RUFY3: variants seen among roughly 807,000 people sequenced by gnomAD.
The protein encoded by RUFY3 is protein RUFY3.
A neutral mutation model predicts 84.0 loss-of-function variants in RUFY3; 34 were observed. The ratio of observed to expected loss-of-function variants is 0.40; its 90% CI spans 0.31 to 0.54. RUFY3 has a LOEUF of 0.54. Among genes scored for constraint, RUFY3 ranks in the 20% least tolerant of loss-of-function variants. The pLI, the probability that RUFY3 is intolerant of heterozygous loss-of-function variation, is 0.39. For synonymous variants in RUFY3, 242 were observed against 252.9 expected (o/e 0.96, Z 0.41); for missense variants, 507 against 736.8 (o/e 0.69, Z 3.61).
chr4:70,800,773 T>G (rs866922881), intron 15 of RUFY3, among the ~76,000 whole-genome samples: 13 of 152,182 alleles, frequency 8.5e-5, no homozygotes, highest in African/African-American at 2.9e-4. Flanking sequence ...TCCCAACTAC[T>G]TGGGAGGCCG....
At chr4:70,741,765 GA>G in intron 1 of RUFY3, 1 of 1,050,400 alleles carries the variant, frequency 9.5e-7, no homozygotes, top group Non-Finnish European at 1.3e-6. Flanking sequence ...TCCGTAAGAG[GA>G]AATGTCAGCT....
At chr4:70,741,291 C>T (rs929321690) in intron 1 of RUFY3, among the ~76,000 whole-genome samples, 4 of 151,796 alleles carry the variant, frequency 2.6e-5, no homozygotes, top group Non-Finnish European at 4.4e-5. Flanking sequence ...AGATTAATGT[C>T]GCCTACACTT....
intron 17 of RUFY3, among the ~76,000 whole-genome samples, chr4:70,806,272 A>G (rs1732834760): frequency 6.6e-6 from 1 of 152,186 alleles, no homozygotes; most frequent in African/African-American, 2.4e-5. Context: ...AAGATAAGTG[A>G]CTTGTATGTT....
intron 1 of RUFY3, among the ~76,000 whole-genome samples, chr4:70,710,578 G>C (rs1740867520): frequency 1.3e-5 from 2 of 152,076 alleles, no homozygotes; most frequent in Non-Finnish European, 2.9e-5. Context: ...TTTGAGGCAG[G>C]AGAATCACTT....
chr4:70,793,878 G>A lies in RUFY3; in HGVS notation c.1431G>A (p.Leu477=), dbSNP rs1296451040. 16 of 1,613,888 alleles carry A rather than the reference G, an allele frequency of 9.9e-6. No homozygotes were observed. The highest frequency in any genetic ancestry group is 1.3e-5 in the African/African-American group (1 of 74,892). The change falls in exon 13 of 18, where the codon CTG becomes CTA. Residue 477 remains leucine (L), a synonymous_variant. Transcript: ENST00000381006. ...DFGDKINSLQ[L]EVEELTRQRN... Reference sequence around the variant, plus strand: ...GAGACAAGATCAACAGTCTGCAGCTGGAAGTCGAGGAGCTCACCAGGCAGC... The same window carrying A: ...GAGACAAGATCAACAGTCTGCAGCTAGAAGTCGAGGAGCTCACCAGGCAGC...
intron 9 of RUFY3, among the ~76,000 whole-genome samples, 179 bp downstream of exon 9, chr4:70,783,362 A>G (rs1328927202): frequency 2.0e-5 from 3 of 152,246 alleles, no homozygotes; most frequent in East Asian, 1.9e-4. Context: ...TTTTTCTACA[A>G]GATGCTTCGT....
At chr4:70,802,713 A>G (rs1005012283) in intron 15 of RUFY3, among the ~76,000 whole-genome samples, 8 of 152,216 alleles carry the variant, frequency 5.3e-5, no homozygotes, top group African/African-American at 1.9e-4. Context: ...CTTCAAATCT[A>G]TTTTTAAATG....
intron 3 of RUFY3, among the ~76,000 whole-genome samples, chr4:70,764,261 T>C (rs749975202): frequency 2.6e-5 from 4 of 152,250 alleles, no homozygotes; most frequent in Non-Finnish European, 5.9e-5. Flanking sequence ...TGTAGTTACA[T>C]TCAGTAATTC....
At chr4:70,716,291 AC>A (rs1286291516) in intron 1 of RUFY3, among the ~76,000 whole-genome samples, 1 of 151,746 alleles carries the variant, frequency 6.6e-6, no homozygotes, top group East Asian at 2.0e-4. Context: ...GATTACAGGC[AC>A]GTACCACATT....
chr4:70,705,204 A>AG lies in RUFY3; in HGVS notation c.270dup (p.Thr91AspfsTer32). 6.8e-7 allele frequency: 1 copy of AG among 1,460,928 alleles called. No homozygotes were observed. The highest frequency in any genetic ancestry group is 9.0e-7 in the Non-Finnish European group (1 of 1,112,442). The allele number at this position is 1,460,928 out of a possible 1,614,324, so 90.5% of individuals were successfully genotyped here. A position where few individuals can be genotyped will look rare whatever the true frequency, so the allele number is the denominator to read the frequency against. On this transcript the variant is annotated frameshift_variant, in exon 1 of 12. Transcript: ENST00000417478. LOFTEE classifies it high-confidence loss of function. ...GCCGCCGCAGCAGCAGCGCTCCTGG[A>AG]GGACCCCGCCGTCCCCCGGCTCACC...
exon 1 of RUFY3, chr4:70,705,214 C>G: frequency 1.4e-6 from 2 of 1,461,240 alleles, no homozygotes; most frequent in Non-Finnish European, 1.8e-6. Flanking sequence ...AGGACCCCGC[C>G]GTCCCCCGGC....
intron 14 of RUFY3, among the ~76,000 whole-genome samples, chr4:70,797,547 A>T (rs1560572841): frequency 6.6e-6 from 1 of 152,152 alleles, no homozygotes; most frequent in Non-Finnish European, 1.5e-5. Flanking sequence ...TTTAAAGTGT[A>T]CAAAGAACCA....
In RUFY3 at chr4:70,754,352, T is replaced by C. The variant is rs563996986; in HGVS notation, c.179-8167T>C. 5.3e-5 allele frequency among the ~76,000 whole-genome samples: 8 copies of C among 152,236 alleles called. No homozygotes were observed. The South Asian group carries it at 1.7e-3, about 32-fold the overall frequency. ...ACAGGTGTGAGCCACCAAGCCTGGC[T>C]GGTTAATTTTTTTGACTAACCCCTT... On this transcript the variant is annotated intron_variant, in intron 1 of 17. Coordinates refer to ENST00000381006, the MANE Select transcript of RUFY3 (RefSeq NM_001037442.4).
intron 1 of RUFY3, among the ~76,000 whole-genome samples, chr4:70,729,624 T>C (rs963110719): frequency 6.6e-6 from 1 of 152,214 alleles, no homozygotes; most frequent in Non-Finnish European, 1.5e-5. Context: ...TTAAATGAGA[T>C]ACTTAATGTA....
upstream of RUFY3, among the ~76,000 whole-genome samples, chr4:70,717,610 T>C (rs1356412516): frequency 6.6e-6 from 1 of 152,138 alleles, no homozygotes; most frequent in African/African-American, 2.4e-5. Flanking sequence ...TGTGTGTGTG[T>C]TTTAAATGTC....
At position 70,787,210 on chromosome 4, in the gene RUFY3, AT is replaced by A. The variant is rs1300002888; in HGVS notation, c.1072-1595del. ...AAAATATATATATATATATATATAT[AT>A]ATAAAAACAAATTGACAGTATATAA... is the stretch of plus-strand genomic sequence containing the variant. On this transcript the variant is annotated intron_variant, in intron 10 of 17. Coordinates refer to ENST00000381006, the MANE Select transcript of RUFY3 (RefSeq NM_001037442.4). 3.3e-4 allele frequency among the ~76,000 whole-genome samples: 45 copies of A among 137,080 alleles called. 1 individual carries two copies. The South Asian group carries it at 4.3e-3, about 13-fold the overall frequency. 89.9% of individuals were successfully genotyped at this position (137,080 alleles called of 152,430 possible). A position where few individuals can be genotyped will look rare whatever the true frequency, so the allele number is the denominator to read the frequency against.
intron 1 of RUFY3, among the ~76,000 whole-genome samples, chr4:70,744,775 C>T (rs1465719457): frequency 1.3e-5 from 2 of 151,652 alleles, no homozygotes; most frequent in African/African-American, 4.8e-5. Flanking sequence ...CTGCCTCAGC[C>T]TCCTGAGTAG....
chr4:70,794,847 G>T lies in RUFY3; in HGVS notation c.1510G>T (p.Asp504Tyr), dbSNP rs1384070632. ...KQEKERRLQN[D>Y]RSIPGRGSQK... is the part of the protein sequence containing the mutation. ...GGAAAAAGAAAGAAGATTACAAAACGACAGGAGCATCCCAGGAAGGGGTTC... is the reference window on the plus strand; with the variant it reads ...GGAAAAAGAAAGAAGATTACAAAACTACAGGAGCATCCCAGGAAGGGGTTC... The change falls in exon 14 of 18, where the codon GAC (aspartate) becomes TAC (tyrosine). Residue 504 changes from aspartate (D) to tyrosine (Y), a missense_variant. Physicochemically the swap from Asp to Tyr is radical, Grantham distance 160. Coordinates refer to ENST00000381006, the MANE Select transcript of RUFY3 (RefSeq NM_001037442.4). 6.2e-7 allele frequency: 1 copy of T among 1,613,110 alleles called. No individual in the cohort carries two copies. The highest frequency in any genetic ancestry group is 1.3e-5 in the African/African-American group (1 of 74,904).
chr4:70,707,891 A>C (rs906238957), intron 1 of RUFY3, among the ~76,000 whole-genome samples: 4 of 152,208 alleles, frequency 2.6e-5, no homozygotes, highest in African/African-American at 9.6e-5. Flanking sequence ...TACCCTGCAG[A>C]GTCAATGGAA....
Sources: allele counts gnomAD v4.1 joint callset (sites outside exome capture counted in the v4.1 genomes callset), GRCh38; gene constraint gnomAD v4.1.1; transcripts MANE v1.5; gene names NCBI Gene and HGNC (gene_info 2026-07-23, HGNC 2026-07-21).